The following WDR41 variants were observed in gnomAD, a reference collection of about 807,000 sequenced individuals.
WDR41 encodes WD repeat-containing protein 41.
In WDR41, 63 loss-of-function variants were observed where a neutral mutation model predicts 69.3. That is an observed-to-expected ratio of 0.91 (90% CI 0.74 to 1.12). The LOEUF is 1.12. Ranked by LOEUF, WDR41 falls within the 50% of genes most tolerant of loss-of-function variation. WDR41 has a pLI of 0.00. For missense variants in WDR41, 543 were observed against 534.5 expected, an observed-to-expected ratio of 1.02 and a Z score of -0.16; for synonymous variants, 185 against 192.1, an observed-to-expected ratio of 0.96 and a Z score of 0.31.
intron 12 of WDR41, 144 bp downstream of exon 12, chr5:77,436,117 G>A: frequency 9.4e-7 from 1 of 1,061,630 alleles, no homozygotes; most frequent in Non-Finnish European, 1.3e-6. Context: ...ACATACTATA[G>A]CCTATCCCAT....
At chr5:77,492,409 G>A (rs941347274), upstream of WDR41, 2 of 669,630 alleles carry the variant, frequency 3.0e-6, no homozygotes, top group Admixed American at 6.9e-5. Context: ...AAGCGCTCCC[G>A]TACCCAGCCA....
Position 77,548,322 on chromosome 5 carries a change from A to T in WDR41, c.43-58750T>A, listed in dbSNP as rs183279390. On this transcript the variant is annotated intron_variant, in intron 1 of 5. Coordinates refer to the WDR41 transcript ENST00000509971. ...TAAATAGCTTTTGCACAGCAAAAGG[A>T]ACAGTCAGCAGAGTAAACAGACAAC... Among the ~76,000 whole-genome samples, 836 of 152,376 alleles carry T rather than the reference A, an allele frequency of 5.5e-3. 7 individuals carry two copies. Among genetic ancestry groups the T allele is most frequent in the African/African-American group, 0.019 (787 of 41,586 alleles).
chr5:77,466,261 T>C (rs962475348), intron 2 of WDR41, among the ~76,000 whole-genome samples: 1 of 151,962 alleles, frequency 6.6e-6, no homozygotes, highest in African/African-American at 2.4e-5. Context: ...ATTTTTAAAA[T>C]AAAAATAGAT....
At chr5:77,555,846 T>C (rs1184505903) in intron 1 of WDR41, among the ~76,000 whole-genome samples, 1 of 152,176 alleles carries the variant, frequency 6.6e-6, no homozygotes, top group Non-Finnish European at 1.5e-5. Context: ...CAAGGTTTCT[T>C]TGTGGAAACT....
chr5:77,477,014 G>C (rs1800971526), intron 2 of WDR41, among the ~76,000 whole-genome samples: 1 of 148,110 alleles, frequency 6.8e-6, no homozygotes, highest in African/African-American at 2.6e-5. Flanking sequence ...AAAAGGCAGG[G>C]GTTGCAATCC....
At chr5:77,454,664 C>T (rs1799758558) in intron 5 of WDR41, among the ~76,000 whole-genome samples, 1 of 152,200 alleles carries the variant, frequency 6.6e-6, no homozygotes, top group Non-Finnish European at 1.5e-5. Context: ...CGCCCACTGA[C>T]TCTGAGTCAG....
chr5:77,479,252 G>A (rs1028674914), intron 2 of WDR41, among the ~76,000 whole-genome samples: 2 of 151,654 alleles, frequency 1.3e-5, no homozygotes, highest in African/African-American at 2.4e-5. Context: ...ACTGCCCAAG[G>A]TAATTTATAG....
At chr5:77,444,160 G>T (rs1273015711) in intron 8 of WDR41, among the ~76,000 whole-genome samples, 1 of 151,984 alleles carries the variant, frequency 6.6e-6, no homozygotes, top group Non-Finnish European at 1.5e-5. Context: ...GATTACAGGC[G>T]TGAGTCACTG....
At chr5:77,560,570 C>T (rs1017514884) in intron 1 of WDR41, among the ~76,000 whole-genome samples, 6 of 152,024 alleles carry the variant, frequency 3.9e-5, no homozygotes, top group South Asian at 2.1e-4. Flanking sequence ...AGAACAGACT[C>T]GCTGGCTGAC....
At chr5:77,537,963 TG>T (rs1407155159) in intron 1 of WDR41, among the ~76,000 whole-genome samples, 2 of 152,128 alleles carry the variant, frequency 1.3e-5, no homozygotes, top group Non-Finnish European at 2.9e-5. Flanking sequence ...TATAAACATA[TG>T]GGGTACAAGT....
intron 3 of WDR41, among the ~76,000 whole-genome samples, chr5:77,463,861 ATAATGT>A (rs1800174351): frequency 6.6e-6 from 1 of 152,204 alleles, no homozygotes; most frequent in South Asian, 2.1e-4. Flanking sequence ...TGTGGTGAAA[ATAATGT>A]TAAAGAACTG....
upstream of WDR41, among the ~76,000 whole-genome samples, chr5:77,496,038 T>C (rs922774107): frequency 5.9e-5 from 9 of 152,198 alleles, no homozygotes; most frequent in Non-Finnish European, 1.0e-4. Context: ...TCTCAACTGA[T>C]GCAGAAAGGC....
intron 1 of WDR41, among the ~76,000 whole-genome samples, chr5:77,501,288 G>A (rs969593034): frequency 6.6e-6 from 1 of 152,238 alleles, no homozygotes; most frequent in African/African-American, 2.4e-5. Flanking sequence ...GTAGCTGTCT[G>A]AGATTGAACT....
chr5:77,460,568 T>C (rs1468096345), intron 4 of WDR41, among the ~76,000 whole-genome samples: 1 of 152,226 alleles, frequency 6.6e-6, no homozygotes, highest in Non-Finnish European at 1.5e-5. Context: ...GGGTATCCCT[T>C]ATCCAAAATG....
rs1799719204 is a variant in WDR41, at chr5:77,453,863, G to A, written c.477C>T (p.Asn159=). The A allele has an allele frequency of 6.2e-7, 1 of 1,614,010 alleles. No individual in the cohort carries two copies. The highest frequency in any genetic ancestry group is 8.5e-7 in the Non-Finnish European group (1 of 1,179,996). The change falls in exon 6 of 13, where the codon AAC becomes AAT. Residue 159 remains asparagine (N), a synonymous_variant. Coordinates refer to ENST00000296679, the MANE Select transcript of WDR41 (RefSeq NM_018268.4). ...LSGGNDLCVW[N]RKLDLLCKTS... ...TCTTACACAGGAGATCTAATTTTCG[G>A]TTCCACACACACAGGTCATTCCCAC...
chr5:77,594,070 T>A (rs947770450), intron 1 of WDR41, among the ~76,000 whole-genome samples: 1 of 151,946 alleles, frequency 6.6e-6, no homozygotes, highest in African/African-American at 2.4e-5. Flanking sequence ...AGTCTTCACA[T>A]AAATCAAGTC....
chr5:77,464,273 A>ATTTT (rs772388660), intron 3 of WDR41, among the ~76,000 whole-genome samples: 18 of 95,468 alleles, frequency 1.9e-4, no homozygotes, highest in Non-Finnish European at 2.5e-4. Context: ...TTAGGAAAAA[A>ATTTT]CTTTTTTTTT....
chr5:77,483,175 T>C (rs1308503885), intron 2 of WDR41, among the ~76,000 whole-genome samples: 1 of 151,996 alleles, frequency 6.6e-6, no homozygotes, highest in African/African-American at 2.4e-5. Flanking sequence ...TCTTACTCAG[T>C]CATCCAGGCT....
intron 9 of WDR41, among the ~76,000 whole-genome samples, chr5:77,440,105 G>A (rs564145680): frequency 1.1e-4 from 16 of 152,034 alleles, no homozygotes; most frequent in Middle Eastern, 6.8e-3. Flanking sequence ...TAAAAATAAC[G>A]TGCATGCCGT....
Sources: gnomAD v4.1 joint callset for allele counts (sites outside exome capture counted in the v4.1 genomes callset) on GRCh38, gnomAD v4.1.1 for gene constraint, MANE v1.5 for transcripts, NCBI Gene and HGNC (gene_info 2026-07-23, HGNC 2026-07-21) for gene names.